The following SYNE2 variants were observed in gnomAD, a reference collection of about 807,000 sequenced individuals.
SYNE2 encodes nesprin-2.
A neutral mutation model predicts 856.3 loss-of-function variants in SYNE2; 431 were observed. The observed-to-expected ratio is 0.50, with a 90% CI of 0.47 to 0.55. The LOEUF (loss-of-function observed/expected upper bound fraction) is 0.55, where lower values mean the gene tolerates loss of function less well. Among genes scored for constraint, SYNE2 ranks in the 20% least tolerant of loss-of-function variants. SYNE2 has a pLI of 0.00. For missense variants in SYNE2, 8,129 were observed against 8,023.2 expected (o/e 1.01, Z -0.50); for synonymous variants, 2,923 against 2,872.3 (o/e 1.02, Z -0.56).
intron 85 of SYNE2, among the ~76,000 whole-genome samples, chr14:64,155,996 C>G (rs1651446253): frequency 6.6e-6 from 1 of 152,166 alleles, no homozygotes; most frequent in African/African-American, 2.4e-5. Context: ...ATTTTCTGGT[C>G]TATAAAATGG....
intron 2 of SYNE2, among the ~76,000 whole-genome samples, chr14:63,926,247 G>T (rs76131453): frequency 0.018 from 1,557 of 88,322 alleles, 29 homozygotes; most frequent in African/African-American, 0.063. Context: ...CTCACCCCCA[G>T]CCCTAGGCAA....
chr14:63,817,696 C>T (rs1169841809), intron 1 of SYNE2, among the ~76,000 whole-genome samples: 2 of 152,108 alleles, frequency 1.3e-5, no homozygotes. Context: ...GCAGAAAAAG[C>T]ATGTAACAAA....
chr14:64,133,644 C>T (rs1213590988), intron 77 of SYNE2, among the ~76,000 whole-genome samples: 8 of 152,154 alleles, frequency 5.3e-5, no homozygotes, highest in Non-Finnish European at 1.2e-4. Context: ...TGGGCGTGGG[C>T]TTGGAGAGCA....
At chr14:64,155,610 G>A (rs548097113) in intron 85 of SYNE2, among the ~76,000 whole-genome samples, 3 of 151,698 alleles carry the variant, frequency 2.0e-5, no homozygotes, top group South Asian at 4.2e-4. Context: ...GTGAGGCACA[G>A]ATCATCCATC....
At chr14:63,940,246 G>A (rs1010421512) in intron 2 of SYNE2, among the ~76,000 whole-genome samples, 1 of 151,788 alleles carries the variant, frequency 6.6e-6, no homozygotes, top group African/African-American at 2.4e-5. Flanking sequence ...TGTAAAGATG[G>A]GATTTCTGTA....
chr14:64,091,032 A>G lies in SYNE2; in HGVS notation c.11960A>G (p.Gln3987Arg), dbSNP rs1290649995. 3.1e-6 allele frequency: 5 copies of G among 1,614,064 alleles called. No homozygotes were observed. In the East Asian group the frequency reaches 1.1e-4, roughly 36 times the overall value. The change falls in exon 60 of 116, where the codon CAA becomes CGA. Residue 3987 changes from glutamine (Q) to arginine (R), a missense_variant. This residue lies in a region of SYNE2 where 5,410 missense variants were observed against 5,284.8 expected (regional missense o/e 1.02). Transcript: ENST00000555002. ...CTATTGGAAAATGTGACTCAAGAAC[A>G]AAATGAGTTATTAAAGGTAAGCAGT... ...IKLLENVTQE[Q>R]NELLKVVIKQ...
intron 1 of SYNE2, among the ~76,000 whole-genome samples, chr14:63,774,341 C>T (rs539893253): frequency 2.6e-5 from 4 of 151,692 alleles, no homozygotes; most frequent in South Asian, 4.2e-4. Flanking sequence ...TAGTTGTGGG[C>T]GACTGTAATC....
intron 47 of SYNE2, 120 bp from the exon 48 acceptor site, chr14:64,051,437 A>T: frequency 1.0e-6 from 1 of 955,208 alleles, no homozygotes; most frequent in Non-Finnish European, 1.5e-6. Context: ...ATTTTTACAG[A>T]CAGCCTAATT....
chr14:64,196,195 G>A (rs1474392933), intron 99 of SYNE2, among the ~76,000 whole-genome samples: 1 of 152,166 alleles, frequency 6.6e-6, no homozygotes, highest in Non-Finnish European at 1.5e-5. Context: ...TGTTTGCTAC[G>A]TTTCAAGGTG....
chr14:64,215,534 C>T (rs1394172180), intron 107 of SYNE2, 180 bp downstream of exon 107: 1 of 713,580 alleles, frequency 1.4e-6, no homozygotes. Context: ...CCTTACAAAA[C>T]CCCATCCAAG....
rs1452768494 is a variant in SYNE2, at chr14:64,141,489, C to T, written c.15125C>T (p.Thr5042Ile). The T allele has an allele frequency of 6.2e-7, 1 of 1,614,038 alleles. No individual in the cohort carries two copies. Among genetic ancestry groups the T allele is most frequent in the South Asian group, 1.1e-5 (1 of 91,072 alleles). Residue 5042 changes from threonine to isoleucine, a missense_variant, in exon 81 of 116, where the codon ACT (threonine) becomes ATT (isoleucine). Coordinates refer to ENST00000555002, the MANE Select transcript of SYNE2 (RefSeq NM_182914.3). ...QFEQKWTMLITQLPDIQEKLH... is the reference protein window; with the variant it reads ...QFEQKWTMLIIQLPDIQEKLH... ...GAACAAAAATGGACAATGCTCATAACTCAACTTCCAGATATTCAAGAAAAA... is the reference window on the plus strand; with the variant it reads ...GAACAAAAATGGACAATGCTCATAATTCAACTTCCAGATATTCAAGAAAAA...
intron 34 of SYNE2, among the ~76,000 whole-genome samples, chr14:64,019,231 C>T (rs917357431): frequency 6.6e-6 from 1 of 151,322 alleles, no homozygotes; most frequent in Non-Finnish European, 1.5e-5. Context: ...AGAGATTGCA[C>T]CACTGTACTC....
intron 23 of SYNE2, among the ~76,000 whole-genome samples, chr14:63,995,951 T>C (rs1045719446): frequency 1.3e-5 from 2 of 152,200 alleles, no homozygotes; most frequent in Non-Finnish European, 2.9e-5. Context: ...TTTTATGCAC[T>C]CTGGGGTTTG....
intron 45 of SYNE2, among the ~76,000 whole-genome samples, chr14:64,041,371 C>T (rs983613690): frequency 6.6e-6 from 1 of 152,018 alleles, no homozygotes; most frequent in Non-Finnish European, 1.5e-5. Flanking sequence ...CAACAAAAGA[C>T]ATCATACACA....
At chr14:64,221,538 C>T (rs1397177426) in intron 111 of SYNE2, 38 bp from the exon 112 acceptor site, 1 of 1,614,200 alleles carries the variant, frequency 6.2e-7, no homozygotes, top group Non-Finnish European at 8.5e-7. Context: ...TTCCAGGGCT[C>T]TAAGACACGG....
Position 63,982,830 on chromosome 14 carries a change from T to A in SYNE2, c.2001+36T>A, listed in dbSNP as rs188237953. Reference sequence around the variant, plus strand: ...TTGATTGGTTGCAGCTTTATTTAGATATGATTCATGTACCACACAATTTAC... The same window carrying A: ...TTGATTGGTTGCAGCTTTATTTAGAAATGATTCATGTACCACACAATTTAC... On this transcript the variant is annotated intron_variant, in intron 17 of 115. Coordinates refer to ENST00000555002, the MANE Select transcript of SYNE2 (RefSeq NM_182914.3). 124 of 1,602,068 alleles carry A rather than the reference T, an allele frequency of 7.7e-5. 1 individual carries two copies. In the Middle Eastern group the frequency reaches 1.5e-3, roughly 19 times the overall value.
chr14:63,975,806 A>G (rs768504565), intron 11 of SYNE2, among the ~76,000 whole-genome samples: 66 of 152,360 alleles, frequency 4.3e-4, no homozygotes, highest in Non-Finnish European at 7.8e-4. Context: ...TCTCCACACC[A>G]GAAGCTTTCT....
At chr14:64,100,843 T>C (rs887923101) in intron 63 of SYNE2, among the ~76,000 whole-genome samples, 1 of 151,458 alleles carries the variant, frequency 6.6e-6, no homozygotes, top group South Asian at 2.1e-4. Flanking sequence ...ACCATTGTTT[T>C]ATTTTCTGCT....
chr14:64,159,564 C>CTGG, intron 87 of SYNE2, 122 bp downstream of exon 87: 1 of 1,127,702 alleles, frequency 8.9e-7, no homozygotes, highest in Non-Finnish European at 1.3e-6. Flanking sequence ...TCCTACTGTT[C>CTGG]TGGTCTCTTC....
Sources: gnomAD v4.1 joint callset for allele counts (sites outside exome capture counted in the v4.1 genomes callset) on GRCh38, gnomAD v4.1.1 for gene constraint, gnomAD v4.1.1 regional missense constraint, MANE v1.5 for transcripts, NCBI Gene and HGNC (gene_info 2026-07-23, HGNC 2026-07-21) for gene names.